The following GYG1 variants were observed in gnomAD, a reference collection of about 807,000 sequenced individuals.
GYG1 encodes the protein glycogenin 1.
GYG1 carries 44 observed loss-of-function variants against 41.9 expected under a neutral mutation model. The observed-to-expected ratio is 1.05, with a 90% CI of 0.83 to 1.35. GYG1 has a LOEUF of 1.35. Among genes scored for constraint, GYG1 ranks in the 40% most tolerant of loss-of-function variants. The pLI is 0.00. For missense variants in GYG1, 429 were observed against 418.9 expected, an observed-to-expected ratio of 1.02 and a Z score of -0.21; for synonymous variants, 141 against 158.1, an observed-to-expected ratio of 0.89 and a Z score of 0.81.
intron 5 of GYG1, among the ~76,000 whole-genome samples, chr3:149,013,278 C>T (rs1025903276): frequency 3.9e-5 from 6 of 152,094 alleles, no homozygotes; most frequent in African/African-American, 1.5e-4. Flanking sequence ...GGTTTTGTTT[C>T]ATCCAGATAG....
Position 148,991,559 on chromosome 3 carries a change from C to T in GYG1, c.-82C>T, listed in dbSNP as rs1559994315. ...CTCGGTTCCCCGCCGTGCCTCCTCG[C>T]TGGCCGCGCTCCCTCCCGGTGCCGG... On this transcript the variant is annotated 5_prime_UTR_variant, in exon 1 of 8. Transcript: ENST00000345003. 2.0e-6 allele frequency: 3 copies of T among 1,524,802 alleles called. No individual in the cohort carries two copies. The highest frequency in any genetic ancestry group is 2.8e-5 in the African/African-American group (2 of 71,906). The allele number at this position is 1,524,802 out of a possible 1,614,324, so 94.5% of individuals were successfully genotyped here.
intron 4 of GYG1, among the ~76,000 whole-genome samples, chr3:149,006,038 A>T (rs1713383613): frequency 1.3e-5 from 2 of 151,504 alleles, no homozygotes; most frequent in African/African-American, 4.9e-5. Context: ...CACCATAGTC[A>T]AGATGCAGAG....
rs1714935543 is a variant in GYG1 at position 149,030,648 on chromosome 3, C to T, written c.*3715C>T. 1 of 152,182 alleles carries T rather than the reference C, an allele frequency of 6.6e-6. No homozygotes were observed. The allele number at this position is 152,182 out of a possible 1,614,324, so 9.4% of individuals were successfully genotyped here. ...TTTTTTGTGTGTAATGCTTGATCTA[C>T]CAGGTAACTTCCCAACTGCTCCTAA... On this transcript the variant is annotated 3_prime_UTR_variant, in exon 8 of 8. Coordinates refer to ENST00000345003, the MANE Select transcript of GYG1 (RefSeq NM_004130.4).
intron 4 of GYG1, chr3:149,008,183 G>A (rs1380720174): frequency 6.6e-6 from 1 of 152,152 alleles, no homozygotes; most frequent in Non-Finnish European, 1.5e-5. Context: ...TGTGGGCCCT[G>A]GAAAACAATT....
chr3:149,002,516 T>C (rs1713149446), intron 4 of GYG1, among the ~76,000 whole-genome samples: 1 of 152,218 alleles, frequency 6.6e-6, no homozygotes, highest in African/African-American at 2.4e-5. Flanking sequence ...TTAAATGGGT[T>C]GAGGCCAGTG....
chr3:148,991,656 G>A lies in GYG1; in HGVS notation c.7+9G>A. On this transcript the variant is annotated intron_variant, in intron 1 of 7. Transcript: ENST00000345003. ...CGGCAGCACCATGACAGGTACCGCC[G>A]CGCAGCCCGCCGCCGCCAGCCCCGG... The A allele has an allele frequency of 3.3e-6, 5 of 1,531,030 alleles. No homozygotes were observed. The highest frequency in any genetic ancestry group is 4.4e-6 in the Non-Finnish European group (5 of 1,146,156). 94.8% of individuals were successfully genotyped at this position (1,531,030 alleles called of 1,614,324 possible).
intron 5 of GYG1, among the ~76,000 whole-genome samples, chr3:149,019,738 T>G (rs1288950465): frequency 6.6e-6 from 1 of 152,260 alleles, no homozygotes; most frequent in African/African-American, 2.4e-5. Flanking sequence ...GATCAGTGCC[T>G]GAGTCACAGT....
At chr3:149,026,655 C>A in intron 7 of GYG1, 105 bp from the exon 8 acceptor site, 1 of 1,042,786 alleles carries the variant, frequency 9.6e-7, no homozygotes, top group Non-Finnish European at 1.5e-6. Flanking sequence ...GTTTTTGCTA[C>A]TTTGCATGAT....
At chr3:149,003,567 C>G (rs551130000) in intron 4 of GYG1, among the ~76,000 whole-genome samples, 1 of 151,996 alleles carries the variant, frequency 6.6e-6, no homozygotes, top group African/African-American at 2.4e-5. Context: ...AGTTATTATC[C>G]TTTGTTATAA....
Position 149,017,582 on chromosome 3 carries a change from G to GTTTT in GYG1, c.609-6444_609-6441dup, listed in dbSNP as rs58075146. Among the ~76,000 whole-genome samples, 362 of 47,362 alleles carry GTTTT rather than the reference G, an allele frequency of 7.6e-3. 127 individuals carry two copies. The highest frequency in any genetic ancestry group is 0.013 in the East Asian group (15 of 1,126). 31.1% of individuals were successfully genotyped at this position (47,362 alleles called of 152,430 possible). On this transcript the variant is annotated intron_variant, in intron 5 of 7. Transcript: ENST00000345003. ...TTATTTATTTATTTCTTTTATTTAGGTTTTTTTTTTTTTTTTTTTTTTTTT... is the reference window on the plus strand; with the variant it reads ...TTATTTATTTATTTCTTTTATTTAGGTTTTTTTTTTTTTTTTTTTTTTTTTTTTT...
In GYG1 at chr3:149,026,516, A is replaced by G. The variant is rs1436056981; in HGVS notation, c.879+14A>G. 2 of 1,547,354 alleles carry G rather than the reference A, an allele frequency of 1.3e-6. No homozygotes were observed. Among genetic ancestry groups the G allele is most frequent in the African/African-American group, 1.4e-5 (1 of 73,652 alleles). On this transcript the variant is annotated intron_variant, in intron 7 of 7. Coordinates refer to ENST00000345003, the MANE Select transcript of GYG1 (RefSeq NM_004130.4). ...TTCTGTAGAAAGGTATGCAGAACTT[A>G]AAGATTAACCCTAATTACTTTGTTC...
At position 149,027,842 on chromosome 3, in the gene GYG1, G is replaced by A. The variant is rs998610553; in HGVS notation, c.*909G>A. Among the ~76,000 whole-genome samples, 2 of 152,162 alleles carry A rather than the reference G, an allele frequency of 1.3e-5. No homozygotes were observed. Among genetic ancestry groups the A allele is most frequent in the Non-Finnish European group, 2.9e-5 (2 of 68,036 alleles). The stretch of plus-strand genomic sequence containing the variant: ...GATCTGACAGATCAGAACAAACCGA[G>A]ATCAAACTTACATAGTGTCATCCAC... On this transcript the variant is annotated 3_prime_UTR_variant, in exon 8 of 8. Coordinates refer to ENST00000345003, the MANE Select transcript of GYG1 (RefSeq NM_004130.4).
At chr3:148,996,644 C>G (rs1164385074) in intron 3 of GYG1, 98 bp from the exon 4 acceptor site, 1 of 1,286,416 alleles carries the variant, frequency 7.8e-7, no homozygotes, top group East Asian at 2.3e-5. Context: ...TGCCTTACAG[C>G]TGTCACCATC....
At position 149,002,145 on chromosome 3, in the gene GYG1, A is replaced by G. The variant is rs556043574; in HGVS notation, c.481+5241A>G. 6.6e-5 allele frequency among the ~76,000 whole-genome samples: 10 copies of G among 152,324 alleles called. 1 individual carries two copies. The East Asian group carries it at 1.9e-3, about 29-fold the overall frequency. On this transcript the variant is annotated intron_variant, in intron 4 of 7. Coordinates refer to ENST00000345003, the MANE Select transcript of GYG1 (RefSeq NM_004130.4). Reference sequence around the variant, plus strand: ...CTATATTTCTGTAGTAGGTCCATTCATTATTTCAAACATAATTTTAATTTC... The same window carrying G: ...CTATATTTCTGTAGTAGGTCCATTCGTTATTTCAAACATAATTTTAATTTC...
rs199593097 is a variant in GYG1, at chr3:149,024,039, C to T, written c.609-14C>T. The T allele has an allele frequency of 3.3e-5, 52 of 1,592,620 alleles. No individual in the cohort carries two copies. The Middle Eastern group carries it at 6.6e-4, about 20-fold the overall frequency. The stretch of plus-strand genomic sequence containing the variant: ...AGAATCCACTAACTGTTTCAACTTG[C>T]GTTCACTTGGCAGGTTTGGTGCAAG... On this transcript the variant is annotated splice_polypyrimidine_tract_variant and intron_variant, in intron 5 of 7. Coordinates refer to ENST00000345003, the MANE Select transcript of GYG1 (RefSeq NM_004130.4).
At position 149,026,493 on chromosome 3, in the gene GYG1, C is replaced by CT; in HGVS notation, c.871dup (p.Cys291LeufsTer2). On this transcript the variant is annotated frameshift_variant, in exon 7 of 8. Coordinates refer to ENST00000345003, the MANE Select transcript of GYG1 (RefSeq NM_004130.4). LOFTEE classifies it high-confidence loss of function. ...ATACACTGGCTTTCTCTTGTGGCTT[C>CT]TGTAGAAAGGTATGCAGAACTTAAA... The CT allele has an allele frequency of 1.9e-6, 3 of 1,600,712 alleles. No individual in the cohort carries two copies. Among genetic ancestry groups the CT allele is most frequent in the Non-Finnish European group, 2.6e-6 (3 of 1,168,168 alleles).
intron 5 of GYG1, among the ~76,000 whole-genome samples, chr3:149,010,751 A>G (rs1713679845): frequency 6.6e-6 from 1 of 152,198 alleles, no homozygotes. Context: ...AAGATGATTT[A>G]GATTTCTTGA....
chr3:148,996,803 G>C lies in GYG1; in HGVS notation c.380G>C (p.Gly127Ala). 1 of 1,613,488 alleles carries C rather than the reference G, an allele frequency of 6.2e-7. No homozygotes were observed. The highest frequency in any genetic ancestry group is 8.5e-7 in the Non-Finnish European group (1 of 1,179,404). The change falls in exon 4 of 8, where the codon GGG becomes GCG. Residue 127 changes from glycine (G) to alanine (A), a missense_variant. Physicochemically the swap from Gly to Ala is moderately conservative, Grantham distance 60 (BLOSUM62 0). Transcript: ENST00000345003. ...REELSAAPDP[G>A]WPDCFNSGVF... Reference sequence around the variant, plus strand: ...GAATTGTCAGCAGCACCAGACCCAGGGTGGCCTGACTGCTTCAATTCCGGA... The same window carrying C: ...GAATTGTCAGCAGCACCAGACCCAGCGTGGCCTGACTGCTTCAATTCCGGA...
chr3:148,999,867 A>G (rs1413822504), intron 4 of GYG1, among the ~76,000 whole-genome samples: 1 of 152,112 alleles, frequency 6.6e-6, no homozygotes, highest in Non-Finnish European at 1.5e-5. Flanking sequence ...CCCCATAGTC[A>G]GTTTTAAGTC....
Sources: allele counts gnomAD v4.1 joint callset (sites outside exome capture counted in the v4.1 genomes callset), GRCh38; gene constraint gnomAD v4.1.1; transcripts MANE v1.5; gene names NCBI Gene and HGNC (gene_info 2026-07-23, HGNC 2026-07-21).